The following OGG1 variants were observed in gnomAD, a reference collection of about 807,000 sequenced individuals.
The protein encoded by OGG1 is N-glycosylase/DNA lyase.
In OGG1, 35 loss-of-function variants were observed where a neutral mutation model predicts 42.3. The observed-to-expected ratio is 0.83, with a 90% CI of 0.63 to 1.10. The LOEUF (loss-of-function observed/expected upper bound fraction) is 1.10. OGG1 is among the 50% of genes least tolerant of loss of function. The pLI, the probability that OGG1 is intolerant of heterozygous loss-of-function variation, is 0.00. For missense variants in OGG1, 484 were observed against 446.7 expected (o/e 1.08, Z -0.75); for synonymous variants, 189 against 179.0 (o/e 1.06, Z -0.44).
intron 7 of OGG1, among the ~76,000 whole-genome samples, chr3:9,764,604 G>A (rs970510566): frequency 5.4e-5 from 8 of 147,446 alleles, no homozygotes; most frequent in Non-Finnish European, 1.2e-4. Flanking sequence ...GAGCCACTGC[G>A]CCTGGCGTTT....
chr3:9,782,880 CAA>C (rs944103881), intron 3 of OGG1, among the ~76,000 whole-genome samples: 15 of 151,954 alleles, frequency 9.9e-5, no homozygotes, highest in African/African-American at 3.6e-4. Context: ...CTGTGAGAAG[CAA>C]AGAGACTTGT....
In OGG1 at chr3:9,750,267, G is replaced by C. The variant is rs768640045; in HGVS notation, c.-20G>C. 1 of 1,604,170 alleles carries C rather than the reference G, an allele frequency of 6.2e-7. No individual in the cohort carries two copies. Among genetic ancestry groups the C allele is most frequent in the Non-Finnish European group, 8.5e-7 (1 of 1,174,768 alleles). On this transcript the variant is annotated 5_prime_UTR_variant, in exon 1 of 7. Transcript: ENST00000344629. The stretch of plus-strand genomic sequence containing the variant: ...GTTCTGGGTAGGCGGGGCTACTACG[G>C]GGCGGTGCCTGCTGTGGAAATGCCT...
chr3:9,766,404 G>A (rs747560705), exon 8 of OGG1: 2 of 511,452 alleles, frequency 3.9e-6, no homozygotes, highest in East Asian at 7.6e-5. Context: ...ACACCCTTTA[G>A]AACCTTAAAG....
At chr3:9,789,552 T>C, downstream of OGG1, 1 of 1,614,168 alleles carries the variant, frequency 6.2e-7, no homozygotes, top group Non-Finnish European at 8.5e-7. Flanking sequence ...CAGTAACTCC[T>C]CAAGTGTGCG....
Position 9,754,766 on chromosome 3 carries a change from G to A in OGG1, c.628G>A (p.Ala210Thr). Reference sequence around the variant, plus strand: ...GGGCTATCGTGCCCGTTACGTGAGTGCCAGTGCCCGAGCCATCCTGGAAGA... The same window carrying A: ...GGGCTATCGTGCCCGTTACGTGAGTACCAGTGCCCGAGCCATCCTGGAAGA... ...GLGYRARYVS[A>T]SARAILEEQG... Residue 210 changes from alanine to threonine, a missense_variant, in exon 4 of 7, where the codon GCC becomes ACC. Coordinates refer to ENST00000344629, the MANE Select transcript of OGG1 (RefSeq NM_002542.6). 1.9e-6 allele frequency: 3 copies of A among 1,614,126 alleles called. No individual in the cohort carries two copies. The highest frequency in any genetic ancestry group is 2.5e-6 in the Non-Finnish European group (3 of 1,179,996).
chr3:9,759,701 G>GA (rs772039812), downstream of OGG1: 1 of 1,614,066 alleles, frequency 6.2e-7, no homozygotes, highest in African/African-American at 1.3e-5. Context: ...GCTCACAGGT[G>GA]AATCTTTTCT....
chr3:9,759,324 G>T, downstream of OGG1: 1 of 1,577,460 alleles, frequency 6.3e-7, no homozygotes, highest in Non-Finnish European at 8.7e-7. Flanking sequence ...GGTGTTGGGA[G>T]TGTTTGTTGA....
downstream of OGG1, chr3:9,761,701 G>T: frequency 1.2e-6 from 2 of 1,614,156 alleles, no homozygotes; most frequent in Non-Finnish European, 1.7e-6. Context: ...AGAGGCCAAA[G>T]TCGGAGATCA....
chr3:9,759,612 C>A, downstream of OGG1: 1 of 1,614,130 alleles, frequency 6.2e-7, no homozygotes, highest in Non-Finnish European at 8.5e-7. Context: ...CCTATGAGGG[C>A]AGAAGCAGAC....
chr3:9,756,356 T>C (rs2077559323), intron 4 of OGG1, 115 bp from the exon 5 acceptor site: 4 of 1,023,182 alleles, frequency 3.9e-6, no homozygotes, highest in Non-Finnish European at 6.1e-6. Context: ...ATTGAGAATA[T>C]AGAACAACAG....
downstream of OGG1, chr3:9,758,804 A>AT (rs1288960346): frequency 7.7e-6 from 2 of 258,924 alleles, no homozygotes; most frequent in Non-Finnish European, 1.5e-5. Flanking sequence ...TAATTCTTTT[A>AT]TTTTTAGTAG....
chr3:9,789,748 G>A (rs202136274), downstream of OGG1: 191 of 1,614,038 alleles, frequency 1.2e-4, 1 homozygote, highest in Non-Finnish European at 1.4e-4. Flanking sequence ...TCCGTGGCAC[G>A]TCGATAGGGT....
At chr3:9,760,656 CAG>C, downstream of OGG1, 1 of 1,613,846 alleles carries the variant, frequency 6.2e-7, no homozygotes. Context: ...CCCCAAATAC[CAG>C]AGTCAGAGAT....
downstream of OGG1, chr3:9,761,350 G>T: frequency 9.3e-7 from 1 of 1,070,310 alleles, no homozygotes; most frequent in Non-Finnish European, 1.4e-6. Context: ...GTGGAAGGAA[G>T]GGAGGGAGGG....
chr3:9,761,191 T>G (rs2077848366), downstream of OGG1: 1 of 418,416 alleles, frequency 2.4e-6, no homozygotes, highest in Non-Finnish European at 4.3e-6. Context: ...ACTTGTTGAT[T>G]GTCTGTCTTC....
intron 3 of OGG1, among the ~76,000 whole-genome samples, chr3:9,753,671 A>T (rs2077410968): frequency 6.6e-6 from 1 of 151,328 alleles, no homozygotes; most frequent in Non-Finnish European, 1.5e-5. Context: ...AAAAAAAGAA[A>T]CCTGTTCTTG....
intron 7 of OGG1, among the ~76,000 whole-genome samples, chr3:9,763,822 C>A (rs1032599526): frequency 6.6e-6 from 1 of 152,092 alleles, no homozygotes; most frequent in Non-Finnish European, 1.5e-5. Context: ...CCCATCTCTA[C>A]TAAAAATACA....
At chr3:9,772,518 C>T (rs2078314285) in intron 2 of OGG1, among the ~76,000 whole-genome samples, 1 of 152,156 alleles carries the variant, frequency 6.6e-6, no homozygotes, top group South Asian at 2.1e-4. Flanking sequence ...ACACGTTGGC[C>T]TCTTTTTCTC....
intron 1 of OGG1, 181 bp from the exon 2 acceptor site, chr3:9,750,764 C>T: frequency 1.2e-6 from 1 of 815,524 alleles, no homozygotes; most frequent in Non-Finnish European, 2.0e-6. Context: ...AGGTGTGCGC[C>T]ATGCCCGGTT....
Sources: allele counts gnomAD v4.1 joint callset (sites outside exome capture counted in the v4.1 genomes callset), GRCh38; gene constraint gnomAD v4.1.1; transcripts MANE v1.5; gene names NCBI Gene and HGNC (gene_info 2026-07-23, HGNC 2026-07-21).